TSEN2: variants seen among roughly 807,000 people sequenced by gnomAD.
The protein encoded by TSEN2 is tRNA-splicing endonuclease subunit Sen2.
In TSEN2, 54 loss-of-function variants were observed where a neutral mutation model predicts 59.2. The ratio of observed to expected loss-of-function variants is 0.91; its 90% confidence interval spans 0.73 to 1.14. TSEN2 has a LOEUF of 1.14. Ranked by LOEUF, TSEN2 falls within the 50% of genes most tolerant of loss-of-function variation. TSEN2 has a pLI of 0.00. For synonymous variants in TSEN2, 195 were observed against 198.2 expected (o/e 0.98, Z 0.14); for missense variants, 636 against 576.2 (o/e 1.10, Z -1.06).
intron 1 of TSEN2, among the ~76,000 whole-genome samples, chr3:12,489,422 G>A (rs987186446): frequency 2.0e-5 from 3 of 152,146 alleles, no homozygotes; most frequent in Non-Finnish European, 4.4e-5. Context: ...GTAAATGTCT[G>A]TTGGGTGAGT....
At chr3:12,524,720 A>G (rs1343266352) in intron 8 of TSEN2, among the ~76,000 whole-genome samples, 1 of 148,240 alleles carries the variant, frequency 6.7e-6, no homozygotes, top group African/African-American at 2.5e-5. Flanking sequence ...CATTAAACCT[A>G]CTGCAATCTC....
downstream of TSEN2, among the ~76,000 whole-genome samples, chr3:12,535,446 T>A (rs551088041): frequency 3.3e-5 from 5 of 152,224 alleles, no homozygotes; most frequent in African/African-American, 4.8e-5. Flanking sequence ...GCAAGTATGA[T>A]CTCTTAAGTG....
chr3:12,503,404 G>C lies in TSEN2; in HGVS notation c.451G>C (p.Asp151His). The change falls in exon 5 of 12, where the codon GAC becomes CAC. Residue 151 changes from aspartate (D) to histidine (H), a missense_variant. Transcript: ENST00000284995. ...AAGGAATGAAGAGGCTCAAGTGCAT[G>C]ACAAGCTTAACTCTGGAATGGTTTC... is the stretch of plus-strand genomic sequence containing the variant. ...VKRNEEAQVH[D>H]KLNSGMVSNM... 1 of 1,614,204 alleles carries C rather than the reference G, an allele frequency of 6.2e-7. No homozygotes were observed. The highest frequency in any genetic ancestry group is 1.1e-5 in the South Asian group (1 of 91,086).
rs2056345904 is a variant in TSEN2 at position 12,518,542 on chromosome 3, A to G, written c.961-517A>G. On this transcript the variant is annotated intron_variant, in intron 7 of 11. Coordinates refer to ENST00000284995, the MANE Select transcript of TSEN2 (RefSeq NM_025265.4). ...CCTCTGGAGCAGTGCTGTGCAATAG[A>G]AGGACAGTGAGAGCCTCAGATGGGA... is the stretch of plus-strand genomic sequence containing the variant. Among the ~76,000 whole-genome samples, 3 of 152,162 alleles carry G rather than the reference A, an allele frequency of 2.0e-5. 1 individual carries two copies. Among genetic ancestry groups the G allele is most frequent in the South Asian group, 4.1e-4 (2 of 4,832 alleles).
intron 4 of TSEN2, among the ~76,000 whole-genome samples, chr3:12,501,352 C>G (rs2054266532): frequency 6.6e-6 from 1 of 152,186 alleles, no homozygotes; most frequent in African/African-American, 2.4e-5. Flanking sequence ...CAAAATGTGC[C>G]ATACCAAAGT....
chr3:12,514,111 G>A (rs1298195566), intron 6 of TSEN2, among the ~76,000 whole-genome samples: 2 of 152,236 alleles, frequency 1.3e-5, no homozygotes, highest in Non-Finnish European at 2.9e-5. Context: ...AAGATTTTCA[G>A]ACAAAAGTAA....
In TSEN2 at chr3:12,489,937, A is replaced by G. The variant is rs768875110; in HGVS notation, c.137A>G (p.Asn46Ser). The G allele has an allele frequency of 1.9e-6, 3 of 1,614,026 alleles. No individual in the cohort carries two copies. The African/African-American group carries it at 4.0e-5, about 22-fold the overall frequency. ...AAGATATTCCGTGCTGAAATGATTAACAACAATGTGATTGTGAGGAATGCG... is the reference window on the plus strand; with the variant it reads ...AAGATATTCCGTGCTGAAATGATTAGCAACAATGTGATTGTGAGGAATGCG... ...EFKIFRAEMI[N>S]NNVIVRNAED... Residue 46 changes from asparagine (N) to serine (S), a missense_variant, in exon 2 of 12, where the codon AAC (asparagine) becomes AGC (serine). Coordinates refer to ENST00000284995, the MANE Select transcript of TSEN2 (RefSeq NM_025265.4).
chr3:12,489,138 G>A (rs999569687), intron 1 of TSEN2, among the ~76,000 whole-genome samples: 2 of 151,978 alleles, frequency 1.3e-5, no homozygotes, highest in Non-Finnish European at 2.9e-5. Flanking sequence ...CTAGGAAGTG[G>A]TAAAGTTGAT....
chr3:12,521,495 ACC>A, intron 8 of TSEN2, among the ~76,000 whole-genome samples: 1 of 152,220 alleles, frequency 6.6e-6, no homozygotes, highest in Non-Finnish European at 1.5e-5. Flanking sequence ...CAGGTGGGTC[ACC>A]TGAGGTCAGG....
intron 6 of TSEN2, 141 bp downstream of exon 6, chr3:12,505,372 G>A: frequency 1.5e-6 from 1 of 680,832 alleles, no homozygotes; most frequent in Non-Finnish European, 2.7e-6. Context: ...ACTATGGGTA[G>A]CTCCCAAGTA....
At position 12,516,444 on chromosome 3, in the gene TSEN2, A is replaced by ATGTGTGTGTG. The variant is rs1289799497; in HGVS notation, c.910-166_910-165insGTGTGTGTGT. Among the ~76,000 whole-genome samples the ATGTGTGTGTG allele has an allele frequency of 1.6e-3, 81 of 51,624 alleles. 1 individual carries two copies. The highest frequency in any genetic ancestry group is 6.9e-3 in the African/African-American group (80 of 11,582). 33.9% of individuals were successfully genotyped at this position (51,624 alleles called of 152,430 possible). On this transcript the variant is annotated intron_variant, in intron 6 of 11. Coordinates refer to ENST00000284995, the MANE Select transcript of TSEN2 (RefSeq NM_025265.4). ...CGTTTCAAAAACAAACAAACAAAAT[A>ATGTGTGTGTG]TATGTGTGTGTGTGTGTGTGTGTGT...
At chr3:12,491,822 A>G (rs998908930) in intron 2 of TSEN2, among the ~76,000 whole-genome samples, 1 of 152,206 alleles carries the variant, frequency 6.6e-6, no homozygotes, top group African/African-American at 2.4e-5. Context: ...TGGGAGAAAA[A>G]TTGCATGTGT....
intron 5 of TSEN2, among the ~76,000 whole-genome samples, chr3:12,504,406 A>G (rs2054603462): frequency 6.6e-6 from 1 of 151,394 alleles, no homozygotes; most frequent in Non-Finnish European, 1.5e-5. Context: ...ATATAGCAAG[A>G]CCTCATTTCT....
chr3:12,504,299 G>C (rs2054593732), intron 5 of TSEN2, among the ~76,000 whole-genome samples: 1 of 152,126 alleles, frequency 6.6e-6, no homozygotes, highest in South Asian at 2.1e-4. Context: ...AAGAACATAG[G>C]AGCCAGGTGC....
chr3:12,495,988 T>C (rs2053710542), intron 3 of TSEN2, among the ~76,000 whole-genome samples: 1 of 152,218 alleles, frequency 6.6e-6, no homozygotes, highest in African/African-American at 2.4e-5. Context: ...CAGGCTGGTC[T>C]TCAAAATAAC....
chr3:12,522,995 C>T (rs2056771253), intron 8 of TSEN2, among the ~76,000 whole-genome samples: 1 of 152,138 alleles, frequency 6.6e-6, no homozygotes, highest in Non-Finnish European at 1.5e-5. Flanking sequence ...CCTGTGAGGT[C>T]TGTAGTAGTA....
At chr3:12,483,142 G>C (rs530937807), upstream of TSEN2, among the ~76,000 whole-genome samples, 1 of 152,314 alleles carries the variant, frequency 6.6e-6, no homozygotes, top group South Asian at 2.1e-4. Flanking sequence ...TTGGGAGGCC[G>C]AGGCGGGAGG....
chr3:12,518,815 A>G (rs1331640561), intron 7 of TSEN2, among the ~76,000 whole-genome samples: 4 of 151,874 alleles, frequency 2.6e-5, no homozygotes. Context: ...TGGACAGGGC[A>G]GGACCAGACC....
intron 8 of TSEN2, among the ~76,000 whole-genome samples, chr3:12,520,747 G>A (rs538371145): frequency 6.8e-6 from 1 of 147,568 alleles, no homozygotes; most frequent in Non-Finnish European, 1.5e-5. Context: ...CTGAGATCAC[G>A]CCACTACACT....
Sources: allele counts gnomAD v4.1 joint callset (sites outside exome capture counted in the v4.1 genomes callset), GRCh38; gene constraint gnomAD v4.1.1; transcripts MANE v1.5; gene names NCBI Gene and HGNC (gene_info 2026-07-23, HGNC 2026-07-21).